ITGA2: variants seen among roughly 807,000 people sequenced by gnomAD.
The protein encoded by ITGA2 is integrin subunit alpha 2.
ITGA2 carries 101 observed loss-of-function variants against 146.3 expected under a neutral mutation model. That is an observed-to-expected ratio of 0.69 (90% CI 0.59 to 0.81). The LOEUF is 0.81. Ranked by LOEUF, ITGA2 falls within the 40% of genes least tolerant of loss-of-function variation. The probability of loss-of-function intolerance (pLI) is 0.00; values close to 1 mark genes in which losing one functional copy is unlikely to be tolerated. For synonymous variants in ITGA2, 477 were observed against 487.1 expected, an observed-to-expected ratio of 0.98 and a Z score of 0.27; for missense variants, 1,281 against 1,402.7, an observed-to-expected ratio of 0.91 and a Z score of 1.39.
At chr5:53,079,571 C>T (rs1485762166) in intron 24 of ITGA2, among the ~76,000 whole-genome samples, 1 of 152,048 alleles carries the variant, frequency 6.6e-6, no homozygotes, top group African/African-American at 2.4e-5. Context: ...ATCCACTATC[C>T]TAAGCCAATA....
In ITGA2 at chr5:53,059,959, C is replaced by G. The variant is rs1487776860; in HGVS notation, c.1259C>G (p.Pro420Arg). The part of the protein sequence containing the change: ...QKTSHGHLIF[P>R]KQAFDQILQD... Reference sequence around the variant, plus strand: ...ACATCTCATGGCCATTTGATCTTTCCTAAACAAGCCTTTGACCAAATTCTG... The same window carrying G: ...ACATCTCATGGCCATTTGATCTTTCGTAAACAAGCCTTTGACCAAATTCTG... Residue 420 changes from proline to arginine, a missense_variant, in exon 11 of 30, where the codon CCT becomes CGT. By Grantham distance (103) the Pro-to-Arg change is moderately radical. Around this residue, in one of 3 missense-constraint regions of ITGA2, gnomAD observed 795 missense variants for 841.7 expected, o/e 0.94. Coordinates refer to ENST00000296585, the MANE Select transcript of ITGA2 (RefSeq NM_002203.4). The G allele has an allele frequency of 6.2e-7, 1 of 1,612,204 alleles. No homozygotes were observed. Among genetic ancestry groups the G allele is most frequent in the East Asian group, 2.2e-5 (1 of 44,746 alleles).
rs1740381022 is a variant in ITGA2 at position 53,090,840 on chromosome 5, A to G, written c.*241A>G. ...ACCTATTTTATATGATGGGGGAAAA[A>G]AAGTAATCTTTAAACTGGCTGGCCC... is the stretch of plus-strand genomic sequence containing the variant. On this transcript the variant is annotated 3_prime_UTR_variant, in exon 30 of 30. Coordinates refer to ENST00000296585, the MANE Select transcript of ITGA2 (RefSeq NM_002203.4). 5 of 602,536 alleles carry G rather than the reference A, an allele frequency of 8.3e-6. No homozygotes were observed. In the Admixed American group the frequency reaches 1.5e-4, roughly 18 times the overall value. The allele number at this position is 602,536 out of a possible 1,614,324, so 37.3% of individuals were successfully genotyped here.
intron 25 of ITGA2, among the ~76,000 whole-genome samples, chr5:53,081,114 G>A (rs1008065364): frequency 6.6e-6 from 1 of 152,038 alleles, no homozygotes; most frequent in African/African-American, 2.4e-5. Flanking sequence ...TTACACCAGA[G>A]TTTTTCTTTA....
chr5:53,048,910 C>T, intron 6 of ITGA2, 140 bp downstream of exon 6: 2 of 928,228 alleles, frequency 2.2e-6, no homozygotes, highest in Middle Eastern at 3.3e-4. Context: ...TTAATTGAAA[C>T]TTTTACTACA....
At position 53,065,862 on chromosome 5, in the gene ITGA2, G is replaced by A. The variant is rs1456892899; in HGVS notation, c.1828G>A (p.Ala610Thr). 1.2e-6 allele frequency: 2 copies of A among 1,611,872 alleles called. No individual in the cohort carries two copies. Among genetic ancestry groups the A allele is most frequent in the African/African-American group, 1.3e-5 (1 of 74,858 alleles). Residue 610 changes from alanine to threonine, a missense_variant, in exon 15 of 30, where the codon GCC becomes ACC. Around this residue, in one of 3 missense-constraint regions of ITGA2, gnomAD observed 795 missense variants for 841.7 expected, o/e 0.94. Coordinates refer to ENST00000296585, the MANE Select transcript of ITGA2 (RefSeq NM_002203.4). ...TTAGAAAATCTTGGGATCCGATGGA[G>A]CCTTTAGGAGCCATCTCCAGTACTT... The part of the protein sequence containing the change: ...YSQKILGSDG[A>T]FRSHLQYFGR...
At chr5:52,996,185 A>T (rs1435504826) in intron 1 of ITGA2, among the ~76,000 whole-genome samples, 1 of 152,190 alleles carries the variant, frequency 6.6e-6, no homozygotes, top group African/African-American at 2.4e-5. Flanking sequence ...TTAAGCAAAC[A>T]TGGGAAAGGC....
Position 53,051,457 on chromosome 5 carries a change from T to C in ITGA2, c.677T>C (p.Leu226Ser). 6.2e-7 allele frequency: 1 copy of C among 1,613,664 alleles called. No individual in the cohort carries two copies. The highest frequency in any genetic ancestry group is 1.1e-5 in the South Asian group (1 of 91,078). Residue 226 changes from leucine to serine, a missense_variant, in exon 7 of 30, where the codon TTG becomes TCG. Physicochemically the swap from Leu to Ser is moderately radical, Grantham distance 145 (BLOSUM62 -2). Transcript: ENST00000296585. ...AATAATCCAAGAGTTGTGTTTAACT[T>C]GAACACATATAAAACCAAAGAAGAA... Reference protein sequence around the residue: ...YANNPRVVFNLNTYKTKEEMI... With the variant: ...YANNPRVVFNSNTYKTKEEMI...
intron 2 of ITGA2, among the ~76,000 whole-genome samples, chr5:53,038,805 C>T (rs564354736): frequency 3.3e-5 from 5 of 152,220 alleles, no homozygotes; most frequent in South Asian, 2.1e-4. Context: ...AGATCATCCC[C>T]GGTGGCCAGG....
chr5:53,076,865 A>T (rs1424888905), intron 23 of ITGA2, among the ~76,000 whole-genome samples: 10 of 152,052 alleles, frequency 6.6e-5, no homozygotes, highest in Admixed American at 2.0e-4. Context: ...CAAAAGTTAA[A>T]ATGGGTCCTA....
chr5:53,013,804 G>A (rs1370887239), intron 1 of ITGA2, among the ~76,000 whole-genome samples: 1 of 151,906 alleles, frequency 6.6e-6, no homozygotes, highest in Admixed American at 6.6e-5. Flanking sequence ...ATCAGTCTCT[G>A]TAGAGATCTT....
At chr5:53,032,562 G>A (rs1170613124) in intron 2 of ITGA2, among the ~76,000 whole-genome samples, 5 of 152,178 alleles carry the variant, frequency 3.3e-5, no homozygotes, top group Admixed American at 3.3e-4. Context: ...GAGACAAAAT[G>A]TTCCAAACGT....
intron 1 of ITGA2, among the ~76,000 whole-genome samples, chr5:53,005,845 C>T (rs999239345): frequency 7.2e-5 from 11 of 152,094 alleles, no homozygotes; most frequent in Admixed American, 5.9e-4. Flanking sequence ...CTCAAGGTCA[C>T]AGTACTATTC....
rs1286785662 is a variant in ITGA2, at chr5:53,075,056, T to C, written c.2665-5T>C. On this transcript the variant is annotated splice_region_variant and splice_polypyrimidine_tract_variant and intron_variant, in intron 21 of 29. Coordinates refer to ENST00000296585, the MANE Select transcript of ITGA2 (RefSeq NM_002203.4). ...TAGACTGAGAAATTTTAATTTTGTC[T>C]TTAGGTGACTTTTACTATTAACTTT... is the stretch of plus-strand genomic sequence containing the variant. The C allele has an allele frequency of 5.0e-6, 8 of 1,597,998 alleles. No homozygotes were observed. Among genetic ancestry groups the C allele is most frequent in the African/African-American group, 1.3e-5 (1 of 74,498 alleles).
intron 1 of ITGA2, among the ~76,000 whole-genome samples, chr5:52,998,753 A>T (rs542084967): frequency 6.6e-6 from 1 of 152,272 alleles, no homozygotes; most frequent in African/African-American, 2.4e-5. Context: ...AGACAGGCCC[A>T]TATCATCTTC....
chr5:53,051,186 C>T (rs1414835749), intron 6 of ITGA2, among the ~76,000 whole-genome samples: 2 of 152,150 alleles, frequency 1.3e-5, no homozygotes, highest in East Asian at 3.8e-4. Context: ...CACTGTAGCA[C>T]ATCATCTTTC....
At chr5:53,006,626 A>G (rs899071671) in intron 1 of ITGA2, among the ~76,000 whole-genome samples, 2 of 152,160 alleles carry the variant, frequency 1.3e-5, no homozygotes, top group African/African-American at 4.8e-5. Flanking sequence ...ACCATGTGCA[A>G]GGTATTATTC....
chr5:53,063,584 G>T (rs1745001853), intron 13 of ITGA2, among the ~76,000 whole-genome samples: 1 of 151,708 alleles, frequency 6.6e-6, no homozygotes, highest in Non-Finnish European at 1.5e-5. Context: ...CCAAATTAAA[G>T]GCACAGATTG....
At position 53,009,721 on chromosome 5, in the gene ITGA2, A is replaced by C. The variant is rs188572115; in HGVS notation, c.65-17027A>C. Among the ~76,000 whole-genome samples the C allele has an allele frequency of 8.3e-4, 126 of 152,220 alleles. 1 individual carries two copies. The highest frequency in any genetic ancestry group is 5.4e-3 in the South Asian group (26 of 4,828). On this transcript the variant is annotated intron_variant, in intron 1 of 29. Coordinates refer to ENST00000296585, the MANE Select transcript of ITGA2 (RefSeq NM_002203.4). The stretch of plus-strand genomic sequence containing the variant: ...GAATGTTTGTGTCTCTCCAAAATGC[A>C]TGTGTTGAAATGCAATCCCCAGTGT...
At chr5:53,038,711 A>G (rs201868503) in intron 2 of ITGA2, among the ~76,000 whole-genome samples, 2 of 152,134 alleles carry the variant, frequency 1.3e-5, no homozygotes, top group East Asian at 3.9e-4. Flanking sequence ...CTTGGTTTTC[A>G]CTAGCCATGG....
Sources: allele counts gnomAD v4.1 joint callset (sites outside exome capture counted in the v4.1 genomes callset), GRCh38; gene constraint gnomAD v4.1.1; regional missense constraint gnomAD v4.1.1; transcripts MANE v1.5; gene names NCBI Gene and HGNC (gene_info 2026-07-23, HGNC 2026-07-21).